The following FSTL5 variants were observed in gnomAD, a reference collection of about 807,000 sequenced individuals.
FSTL5 encodes the protein follistatin like 5.
Under a neutral mutation model 89.1 loss-of-function variants are expected in FSTL5, and 62 were observed. That is an observed-to-expected ratio of 0.70 (90% CI 0.57 to 0.86). The LOEUF is 0.86. Among genes scored for constraint, FSTL5 ranks in the 40% least tolerant of loss-of-function variants. The pLI, the probability that FSTL5 is intolerant of heterozygous loss-of-function variation, is 0.00. For synonymous variants in FSTL5, 383 were observed against 346.2 expected (o/e 1.11, Z -1.18); for missense variants, 1,057 against 1,001.6 (o/e 1.06, Z -0.75).
intron 3 of FSTL5, among the ~76,000 whole-genome samples, chr4:162,002,916 G>A (rs989547635): frequency 1.3e-5 from 2 of 151,850 alleles, no homozygotes; most frequent in Non-Finnish European, 2.9e-5. Context: ...AGGCCGAGGC[G>A]GGCAGATCAC....
chr4:162,020,450 AATT>A (rs1434462516), intron 3 of FSTL5, among the ~76,000 whole-genome samples: 1 of 152,128 alleles, frequency 6.6e-6, no homozygotes, highest in Non-Finnish European at 1.5e-5. Context: ...TTAAGTTAGC[AATT>A]ATTAAGTATT....
rs141544145 is a variant in FSTL5, at chr4:162,109,610, A to G, written c.126+1661T>C. Among the ~76,000 whole-genome samples, 270 of 152,212 alleles carry G rather than the reference A, an allele frequency of 1.8e-3. 1 individual carries two copies. Among genetic ancestry groups the G allele is most frequent in the Non-Finnish European group, 2.9e-3 (200 of 67,936 alleles). On this transcript the variant is annotated intron_variant, in intron 2 of 15. Coordinates refer to ENST00000306100, the MANE Select transcript of FSTL5 (RefSeq NM_020116.5). ...TTAAAGCTTTACTAAACCTCAACAC[A>G]TAAGTTTTTCTTTAGCATCCAAACA...
At chr4:161,531,096 A>G (rs1731397341) in intron 10 of FSTL5, among the ~76,000 whole-genome samples, 1 of 152,078 alleles carries the variant, frequency 6.6e-6, no homozygotes, top group Non-Finnish European at 1.5e-5. Flanking sequence ...AGTTATGAAA[A>G]CCTATCTCTA....
At chr4:161,996,821 T>G (rs28694100) in intron 3 of FSTL5, among the ~76,000 whole-genome samples, 6 of 152,350 alleles carry the variant, frequency 3.9e-5, no homozygotes, top group African/African-American at 1.4e-4. Context: ...AAGGAATCCA[T>G]CTGTACTTTA....
chr4:161,780,730 G>A (rs1014841428), intron 4 of FSTL5, among the ~76,000 whole-genome samples: 6 of 152,102 alleles, frequency 3.9e-5, no homozygotes, highest in Non-Finnish European at 5.9e-5. Flanking sequence ...ACAGAACTGA[G>A]GACAATGACA....
At chr4:161,756,068 G>A (rs940008516) in intron 6 of FSTL5, among the ~76,000 whole-genome samples, 5 of 151,952 alleles carry the variant, frequency 3.3e-5, no homozygotes, top group Admixed American at 6.5e-5. Context: ...ATAGCTTGAC[G>A]CCTAGTTTAA....
chr4:161,839,711 A>T (rs1418414688), intron 4 of FSTL5, among the ~76,000 whole-genome samples: 2 of 152,352 alleles, frequency 1.3e-5, no homozygotes, highest in African/African-American at 4.8e-5. Flanking sequence ...TGGCTGAGAA[A>T]GGAGGCTTCA....
rs1733406274 is a variant in FSTL5 at position 161,457,631 on chromosome 4, A to G, written c.1716+1581T>C. On this transcript the variant is annotated intron_variant, in intron 14 of 15. Transcript: ENST00000306100. Reference sequence around the variant, plus strand: ...AAAATTGTATAATAAAAATATATGCAGCTTTAGTTTTTTAAAAAAAAAGAC... The same window carrying G: ...AAAATTGTATAATAAAAATATATGCGGCTTTAGTTTTTTAAAAAAAAAGAC... Among the ~76,000 whole-genome samples the G allele has an allele frequency of 4.6e-5, 7 of 152,198 alleles. No homozygotes were observed. In the South Asian group the frequency reaches 1.5e-3, roughly 32 times the overall value.
At chr4:162,154,708 A>T (rs1733398396) in intron 1 of FSTL5, among the ~76,000 whole-genome samples, 1 of 152,166 alleles carries the variant, frequency 6.6e-6, no homozygotes, top group African/African-American at 2.4e-5. Flanking sequence ...TTATAGTCCT[A>T]AATGTACAAA....
At chr4:161,906,789 T>A (rs1733541678) in intron 4 of FSTL5, among the ~76,000 whole-genome samples, 1 of 152,198 alleles carries the variant, frequency 6.6e-6, no homozygotes, top group Non-Finnish European at 1.5e-5. Context: ...ATTTATTTAT[T>A]TTTTGTTCCT....
chr4:161,439,399 C>G (rs141404904), intron 15 of FSTL5, among the ~76,000 whole-genome samples: 1 of 152,300 alleles, frequency 6.6e-6, no homozygotes, highest in Non-Finnish European at 1.5e-5. Context: ...ATGTAGCACT[C>G]CAACCAGACT....
intron 13 of FSTL5, among the ~76,000 whole-genome samples, chr4:161,470,608 T>C (rs1474322857): frequency 6.8e-6 from 1 of 147,512 alleles, no homozygotes; most frequent in South Asian, 2.3e-4. Flanking sequence ...TAAGATGAGC[T>C]TCTCTATTTC....
intron 4 of FSTL5, among the ~76,000 whole-genome samples, chr4:161,783,667 TTCTTTCTTTC>T (rs201364284): frequency 0.054 from 1,670 of 30,990 alleles, 106 homozygotes; most frequent in East Asian, 0.092. Context: ...TTCTTTCTCT[TTCTTTCTTTC>T]TCTTTCTTTC....
At chr4:161,734,025 T>G (rs1201686362) in intron 6 of FSTL5, among the ~76,000 whole-genome samples, 2 of 152,104 alleles carry the variant, frequency 1.3e-5, no homozygotes, top group African/African-American at 4.8e-5. Context: ...ATGAATAATA[T>G]TTTTGAATTA....
At chr4:162,106,187 C>T (rs1731218780) in intron 2 of FSTL5, among the ~76,000 whole-genome samples, 1 of 152,174 alleles carries the variant, frequency 6.6e-6, no homozygotes, top group African/African-American at 2.4e-5. Context: ...TACAGATAAA[C>T]ATTTTGATTT....
At chr4:161,878,587 T>C (rs1732523546) in intron 4 of FSTL5, among the ~76,000 whole-genome samples, 1 of 151,988 alleles carries the variant, frequency 6.6e-6, no homozygotes, top group Non-Finnish European at 1.5e-5. Context: ...TTTTTAAATA[T>C]AATAAGAAAA....
At chr4:161,750,050 C>A (rs1368364578) in intron 6 of FSTL5, among the ~76,000 whole-genome samples, 2 of 151,960 alleles carry the variant, frequency 1.3e-5, no homozygotes, top group African/African-American at 4.8e-5. Flanking sequence ...AGTAAATATT[C>A]TATTTATGTT....
intron 2 of FSTL5, among the ~76,000 whole-genome samples, chr4:162,075,142 G>T (rs1729785758): frequency 6.6e-6 from 1 of 151,718 alleles, no homozygotes; most frequent in African/African-American, 2.4e-5. Flanking sequence ...GCCCCATGAA[G>T]ACTCGAAGCC....
At chr4:161,945,564 C>T (rs1734711548) in intron 3 of FSTL5, among the ~76,000 whole-genome samples, 1 of 152,104 alleles carries the variant, frequency 6.6e-6, no homozygotes, top group African/African-American at 2.4e-5. Context: ...CCAGCCTGTT[C>T]AATATGGTAA....
Sources: allele counts gnomAD v4.1 joint callset (sites outside exome capture counted in the v4.1 genomes callset), GRCh38; gene constraint gnomAD v4.1.1; transcripts MANE v1.5; gene names NCBI Gene and HGNC (gene_info 2026-07-23, HGNC 2026-07-21).